Variants in SEMA3A observed in about 807,000 individuals in gnomAD.
SEMA3A encodes semaphorin 3A, also known as semaphorin-3A.
In SEMA3A, 29 loss-of-function variants were observed where a neutral mutation model predicts 97.9. The ratio of observed to expected loss-of-function variants is 0.30; its 90% CI spans 0.22 to 0.40. SEMA3A has a LOEUF of 0.40. Among genes scored for constraint, SEMA3A ranks in the 10% least tolerant of loss-of-function variants. SEMA3A has a pLI of 1.00. For missense variants in SEMA3A, 763 were observed against 951.3 expected (o/e 0.80, Z 2.60); for synonymous variants, 321 against 323.7 (o/e 0.99, Z 0.09).
At chr7:84,389,111 T>C (rs974021660) in intron 1 of SEMA3A, among the ~76,000 whole-genome samples, 1 of 151,986 alleles carries the variant, frequency 6.6e-6, no homozygotes, top group Non-Finnish European at 1.5e-5. Flanking sequence ...GAAATACTTG[T>C]AGGAGAGTTC....
intron 2 of SEMA3A, among the ~76,000 whole-genome samples, chr7:84,343,291 T>C (rs1482600554): frequency 2.0e-5 from 3 of 152,216 alleles, no homozygotes; most frequent in Non-Finnish European, 4.4e-5. Flanking sequence ...TTGGATTCCA[T>C]GTATAGGAGT....
rs1491474982 is a variant in SEMA3A, at chr7:84,424,561, AAT to A, written c.-245-52663_-245-52662del. 7.4e-5 allele frequency among the ~76,000 whole-genome samples: 4 copies of A among 54,342 alleles called. No individual in the cohort carries two copies. In the South Asian group the frequency reaches 1.4e-3, roughly 19 times the overall value. 35.7% of individuals were successfully genotyped at this position (54,342 alleles called of 152,430 possible). A position where few individuals can be genotyped will look rare whatever the true frequency, so the allele number is the denominator to read the frequency against. On this transcript the variant is annotated intron_variant, in intron 1 of 3. Coordinates refer to the SEMA3A transcript ENST00000424555. Reference sequence around the variant, plus strand: ...ATAAATATTAATATATATTATATATAATATATAAATATTAATATATATTATAT... The same window carrying A: ...ATAAATATTAATATATATTATATATAATATAAATATTAATATATATTATAT...
rs563560800 is a variant in SEMA3A at position 84,092,540 on chromosome 7, T to C, written c.453+17930A>G. 3.1e-3 allele frequency among the ~76,000 whole-genome samples: 472 copies of C among 152,170 alleles called. 3 individuals are homozygous for C. The highest frequency in any genetic ancestry group is 0.011 in the African/African-American group (455 of 41,512). On this transcript the variant is annotated intron_variant, in intron 4 of 16. Transcript: ENST00000265362. The stretch of plus-strand genomic sequence containing the variant: ...ATAAACATGCTACTTTTTTTCAATG[T>C]GATAAATGAGTGAAAAGATCTCCAC...
intron 4 of SEMA3A, among the ~76,000 whole-genome samples, chr7:84,063,261 C>A (rs111560057): frequency 0.035 from 5,234 of 150,296 alleles, 198 homozygotes; most frequent in Non-Finnish European, 0.051. Context: ...CACCAAAAAC[C>A]CATCTGTACA....
intron 1 of SEMA3A, among the ~76,000 whole-genome samples, chr7:84,469,934 T>G (rs1806105288): frequency 6.6e-6 from 1 of 151,808 alleles, no homozygotes; most frequent in African/African-American, 2.4e-5. Context: ...GTGTAAACAC[T>G]TAATAAAATA....
Position 84,414,599 on chromosome 7 carries a change from G to A in SEMA3A, c.-245-42699C>T, listed in dbSNP as rs78895736. ...TATAATAGGAAGTACACAACATCAC[G>A]TGTAGTATTCTTGTCAAAGTTGTTT... On this transcript the variant is annotated intron_variant, in intron 1 of 3. Transcript: ENST00000424555. Among the ~76,000 whole-genome samples the A allele has an allele frequency of 6.6e-5, 10 of 152,062 alleles. 2 individuals carry two copies. Among genetic ancestry groups the A allele is most frequent in the Admixed American group, 6.6e-5 (1 of 15,248 alleles).
chr7:84,083,385 T>A (rs961386187), intron 4 of SEMA3A, among the ~76,000 whole-genome samples: 19 of 152,004 alleles, frequency 1.2e-4, no homozygotes, highest in African/African-American at 4.6e-4. Flanking sequence ...CAATGTGTAA[T>A]GATAAATCAG....
At chr7:84,118,715 G>A (rs982867052) in intron 3 of SEMA3A, among the ~76,000 whole-genome samples, 10 of 152,076 alleles carry the variant, frequency 6.6e-5, no homozygotes, top group Non-Finnish European at 1.2e-4. Context: ...TGTGATTGTG[G>A]GTCTCAGTTC....
intron 3 of SEMA3A, among the ~76,000 whole-genome samples, chr7:84,285,112 G>C (rs912981237): frequency 6.6e-6 from 1 of 151,946 alleles, no homozygotes; most frequent in Non-Finnish European, 1.5e-5. Context: ...TTGTGGTGGT[G>C]GTCTTAAACA....
chr7:84,249,400 T>TATCTATCTATCTATCTATCTATCTATC (rs1258002534), intron 3 of SEMA3A, among the ~76,000 whole-genome samples: 4 of 151,786 alleles, frequency 2.6e-5, no homozygotes. Flanking sequence ...TCTATCTATC[T>TATCTATCTATCTATCTATCTATCTATC]ATCTATCTAT....
intron 1 of SEMA3A, among the ~76,000 whole-genome samples, chr7:84,176,805 G>A (rs1797581732): frequency 6.6e-6 from 1 of 152,086 alleles, no homozygotes; most frequent in South Asian, 2.1e-4. Context: ...ATTCAGTCTA[G>A]TCATTTTTCC....
rs1355789302 is a variant in SEMA3A at position 83,959,152 on chromosome 7, A to G, written c.*2219T>C. 1 of 152,042 alleles carries G rather than the reference A, an allele frequency of 6.6e-6. No individual in the cohort carries two copies. Among genetic ancestry groups the G allele is most frequent in the Non-Finnish European group, 1.5e-5 (1 of 67,918 alleles). 9.4% of individuals were successfully genotyped at this position (152,042 alleles called of 1,614,324 possible). On this transcript the variant is annotated 3_prime_UTR_variant, in exon 17 of 17. Coordinates refer to ENST00000265362, the MANE Select transcript of SEMA3A (RefSeq NM_006080.3). ...TTTTCTATTGTCATTTCATAACACT[A>G]AACAAAATGCATTCAAATTCTGAAA...
At chr7:84,204,923 G>GATT (rs1798450509) in intron 3 of SEMA3A, among the ~76,000 whole-genome samples, 1 of 152,142 alleles carries the variant, frequency 6.6e-6, no homozygotes, top group African/African-American at 2.4e-5. Context: ...GGCCAGATGT[G>GATT]CATTTGAGAT....
chr7:84,110,998 CA>C (rs1481633963), intron 3 of SEMA3A, among the ~76,000 whole-genome samples: 5 of 152,130 alleles, frequency 3.3e-5, no homozygotes, highest in African/African-American at 1.2e-4. Flanking sequence ...TTGCAAAAAT[CA>C]GTTTTCAGTT....
intron 1 of SEMA3A, among the ~76,000 whole-genome samples, chr7:84,473,640 C>T (rs1034453146): frequency 2.0e-5 from 3 of 151,906 alleles, no homozygotes; most frequent in Non-Finnish European, 2.9e-5. Context: ...CCACCCTCCT[C>T]GGCCTCCCAA....
At chr7:84,092,227 G>A (rs938010746) in intron 4 of SEMA3A, among the ~76,000 whole-genome samples, 2 of 152,096 alleles carry the variant, frequency 1.3e-5, no homozygotes, top group Non-Finnish European at 2.9e-5. Flanking sequence ...AAGATACAAA[G>A]CAATTTTTTT....
intron 12 of SEMA3A, among the ~76,000 whole-genome samples, chr7:83,999,997 G>GTATT (rs1416318963): frequency 6.6e-6 from 1 of 151,844 alleles, no homozygotes; most frequent in African/African-American, 2.4e-5. Flanking sequence ...TTAATTTCTT[G>GTATT]TATTTATTTC....
rs950592380 is a variant in SEMA3A at position 84,001,179 on chromosome 7, A to G, written c.1452+776T>C. On this transcript the variant is annotated intron_variant, in intron 12 of 16. Coordinates refer to ENST00000265362, the MANE Select transcript of SEMA3A (RefSeq NM_006080.3). The stretch of plus-strand genomic sequence containing the variant: ...ATGTATTTTTCTGTCATATGTCATT[A>G]ATCATTTCAAGGTGTGCTTTAATTT... 4.6e-5 allele frequency among the ~76,000 whole-genome samples: 7 copies of G among 152,010 alleles called. No homozygotes were observed. In the East Asian group the frequency reaches 1.3e-3, roughly 29 times the overall value.
chr7:84,275,560 G>A (rs1244570244), intron 3 of SEMA3A, among the ~76,000 whole-genome samples: 1 of 151,894 alleles, frequency 6.6e-6, no homozygotes, highest in African/African-American at 2.4e-5. Context: ...TGGAGAACTT[G>A]AGAAAATACA....
Sources: gnomAD v4.1 joint callset for allele counts (sites outside exome capture counted in the v4.1 genomes callset) on GRCh38, gnomAD v4.1.1 for gene constraint, MANE v1.5 for transcripts, NCBI Gene and HGNC (gene_info 2026-07-23, HGNC 2026-07-21) for gene names.